The following HIVEP1 variants were observed in gnomAD, a reference collection of about 807,000 sequenced individuals.
HIVEP1 encodes HIVEP zinc finger 1.
HIVEP1 carries 36 observed loss-of-function variants against 180.0 expected under a neutral mutation model. The observed-to-expected ratio is 0.20, with a 90% CI of 0.15 to 0.26. The LOEUF is 0.26. Ranked by LOEUF, HIVEP1 falls within the 10% of genes least tolerant of loss-of-function variation. The pLI is 1.00. For synonymous variants in HIVEP1, 1,239 were observed against 1,239.0 expected (o/e 1.00, Z 0.00); for missense variants, 3,143 against 3,268.7 (o/e 0.96, Z 0.94).
intron 3 of HIVEP1, among the ~76,000 whole-genome samples, chr6:12,108,376 T>C (rs1774609346): frequency 6.6e-6 from 1 of 152,354 alleles, no homozygotes; most frequent in Non-Finnish European, 1.5e-5. Flanking sequence ...GCCAGTCCCG[T>C]GCACTGCGCC....
At chr6:12,142,470 G>T (rs1467515603) in intron 7 of HIVEP1, among the ~76,000 whole-genome samples, 4 of 151,952 alleles carry the variant, frequency 2.6e-5, no homozygotes, top group Non-Finnish European at 5.9e-5. Context: ...CAAAATTAAA[G>T]GAACTAGAGA....
At chr6:12,114,118 C>T (rs566989026) in intron 3 of HIVEP1, among the ~76,000 whole-genome samples, 245 of 152,292 alleles carry the variant, frequency 1.6e-3, no homozygotes, top group African/African-American at 5.4e-3. Context: ...TTGTCTTTCT[C>T]TTTTACTTTA....
At chr6:12,103,402 T>C (rs1399348863) in intron 3 of HIVEP1, among the ~76,000 whole-genome samples, 1 of 152,148 alleles carries the variant, frequency 6.6e-6, no homozygotes, top group East Asian at 1.9e-4. Context: ...AGCCAGAACC[T>C]AGACCCTGGC....
intron 3 of HIVEP1, among the ~76,000 whole-genome samples, chr6:12,108,137 C>T (rs1774579466): frequency 6.6e-6 from 1 of 152,098 alleles, no homozygotes; most frequent in South Asian, 2.1e-4. Flanking sequence ...TCCAAGGCCC[C>T]ACCAGAGTAG....
Position 12,164,487 on chromosome 6 carries a change from T to A in HIVEP1, c.*26T>A. On this transcript the variant is annotated 3_prime_UTR_variant, in exon 9 of 9. Transcript: ENST00000379388. Reference sequence around the variant, plus strand: ...TGGATTTTATTTTTTATTTGCTTTTTTTTTATATAACACTTAAAGGTTTCT... The same window carrying A: ...TGGATTTTATTTTTTATTTGCTTTTATTTTATATAACACTTAAAGGTTTCT... 6.5e-7 allele frequency: 1 copy of A among 1,536,474 alleles called. No individual in the cohort carries two copies. The highest frequency in any genetic ancestry group is 8.8e-7 in the Non-Finnish European group (1 of 1,138,696).
At chr6:12,189,749 G>A in the HIVEP1 span, among the ~76,000 whole-genome samples, 4 of 152,012 alleles carry the variant, frequency 2.6e-5, no homozygotes, top group African/African-American at 9.7e-5. Flanking sequence ...GCATATTTCT[G>A]GGAATTTATT....
upstream of HIVEP1, chr6:12,012,043 C>T (rs1767362561): frequency 6.8e-6 from 1 of 147,514 alleles, no homozygotes; most frequent in Admixed American, 6.7e-5. Context: ...CCTACTCTGC[C>T]CCGGGGGAGA....
At chr6:12,167,409 AC>A (rs1207021293), downstream of HIVEP1, among the ~76,000 whole-genome samples, 4 of 151,406 alleles carry the variant, frequency 2.6e-5, no homozygotes, top group African/African-American at 9.7e-5. Flanking sequence ...TTGTTTCAAA[AC>A]CATCTATAAA....
At chr6:12,069,163 C>T (rs1003615259) in intron 2 of HIVEP1, among the ~76,000 whole-genome samples, 3 of 152,246 alleles carry the variant, frequency 2.0e-5, no homozygotes, top group South Asian at 2.1e-4. Context: ...CAACTACACA[C>T]GTAGCCTATA....
intron 2 of HIVEP1, among the ~76,000 whole-genome samples, chr6:12,058,398 C>T (rs892488280): frequency 1.1e-4 from 17 of 152,172 alleles, no homozygotes; most frequent in Non-Finnish European, 1.8e-4. Flanking sequence ...TTTAGTTCCA[C>T]TCCCAAGTTG....
At chr6:12,089,122 T>G in intron 2 of HIVEP1, 62 bp from the exon 3 acceptor site, 1 of 893,398 alleles carries the variant, frequency 1.1e-6, no homozygotes, top group Non-Finnish European at 1.8e-6. Context: ...GTATGTTTGC[T>G]TTACTGTACT....
upstream of HIVEP1, among the ~76,000 whole-genome samples, chr6:12,011,270 TCCCCC>T (rs76242358): frequency 2.4e-4 from 17 of 71,626 alleles, no homozygotes; most frequent in South Asian, 5.3e-4. Context: ...CCCCTTGGGG[TCCCCC>T]CCCCCCCCCG....
rs748350620 is a variant in HIVEP1 at position 12,121,998 on chromosome 6, A to T, written c.2203A>T (p.Met735Leu). The T allele has an allele frequency of 6.2e-7, 1 of 1,614,166 alleles. No individual in the cohort carries two copies. The highest frequency in any genetic ancestry group is 8.5e-7 in the Non-Finnish European group (1 of 1,180,030). The part of the protein sequence containing the change: ...GEKALLLPGQ[M>L]RPPLATKTLE... The stretch of plus-strand genomic sequence containing the variant: ...AAAGGCATTGCTTTTACCAGGTCAG[A>T]TGCGCCCACCTTTGGCCACAAAAAC... Residue 735 changes from methionine (M) to leucine (L), a missense_variant, in exon 4 of 9, where the codon ATG becomes TTG. Coordinates refer to ENST00000379388, the MANE Select transcript of HIVEP1 (RefSeq NM_002114.4). This position sits in a 1 kb window ranked among gnomAD's most constrained non-coding sequence, Gnocchi z 5.3.
chr6:12,037,092 G>A (rs1373530366), intron 2 of HIVEP1, among the ~76,000 whole-genome samples: 3 of 152,194 alleles, frequency 2.0e-5, no homozygotes, highest in Non-Finnish European at 4.4e-5. Context: ...CAAGGACCAA[G>A]TTATCTCAGG....
chr6:12,140,049 AC>A (rs989039806), intron 7 of HIVEP1, among the ~76,000 whole-genome samples: 7 of 152,100 alleles, frequency 4.6e-5, no homozygotes, highest in Non-Finnish European at 8.8e-5. Context: ...TGGGTCCCTG[AC>A]CCCCGTGTAG....
chr6:12,121,714 G>A lies in HIVEP1; in HGVS notation c.1919G>A (p.Gly640Glu), dbSNP rs1381847005. 1 of 1,614,190 alleles carries A rather than the reference G, an allele frequency of 6.2e-7. No individual in the cohort carries two copies. The highest frequency in any genetic ancestry group is 1.3e-5 in the African/African-American group (1 of 75,046). The change falls in exon 4 of 9, where the codon GGA becomes GAA. Residue 640 changes from glycine to glutamate, a missense_variant. By Grantham distance (98) the Gly-to-Glu change is moderately conservative. Transcript: ENST00000379388. The surrounding 1 kb of genome is among the most constrained non-coding windows in gnomAD (Gnocchi z 5.3). Reference protein sequence around the residue: ...PLEGKQDSHVGTVHAQLQRQQ... With the variant: ...PLEGKQDSHVETVHAQLQRQQ... ...GAAGGAAAGCAAGACTCTCACGTAG[G>A]AACGGTACACGCCCAGCTACAAAGG...
At position 12,120,485 on chromosome 6, in the gene HIVEP1, A is replaced by G. The variant is rs1206788287; in HGVS notation, c.690A>G (p.Ala230=). ...KTEKLRPNKT[A]RSPPKLKNSS... ...AAAAACTGAGGCCAAATAAAACTGC[A>G]CGTTCCCCTCCCAAATTAAAAAACA... Residue 230 remains alanine, a synonymous_variant, in exon 4 of 9, where the codon GCA becomes GCG. Coordinates refer to ENST00000379388, the MANE Select transcript of HIVEP1 (RefSeq NM_002114.4). 6.2e-7 allele frequency: 1 copy of G among 1,614,084 alleles called. No homozygotes were observed. The highest frequency in any genetic ancestry group is 8.5e-7 in the Non-Finnish European group (1 of 1,180,040).
At position 12,124,060 on chromosome 6, in the gene HIVEP1, T is replaced by C. The variant is rs200142045; in HGVS notation, c.4265T>C (p.Leu1422Ser). The change falls in exon 4 of 9, where the codon TTA becomes TCA. Residue 1422 changes from leucine to serine, a missense_variant. By Grantham distance (145) the Leu-to-Ser change is moderately radical. Transcript: ENST00000379388. ...RVGVTGHVPL[L>S]ERRRGPLVRQ... ...GGAGTGACTGGGCATGTGCCTCTCTTAGAAAGAAGGAGAGGCCCACTGGTA... is the reference window on the plus strand; with the variant it reads ...GGAGTGACTGGGCATGTGCCTCTCTCAGAAAGAAGGAGAGGCCCACTGGTA... 582 of 1,614,092 alleles carry C rather than the reference T, an allele frequency of 3.6e-4. 1 individual carries two copies. Among genetic ancestry groups the C allele is most frequent in the Non-Finnish European group, 4.4e-4 (522 of 1,180,016 alleles).
intron 2 of HIVEP1, among the ~76,000 whole-genome samples, chr6:12,028,008 T>C (rs953387160): frequency 1.3e-5 from 2 of 152,248 alleles, no homozygotes; most frequent in Non-Finnish European, 2.9e-5. Flanking sequence ...GTTGAGCTCA[T>C]GATAACTGTT....
Sources: gnomAD v4.1 joint callset for allele counts (sites outside exome capture counted in the v4.1 genomes callset) on GRCh38, gnomAD v4.1.1 for gene constraint, Gnocchi (gnomAD v3.1) non-coding constraint, MANE v1.5 for transcripts, NCBI Gene and HGNC (gene_info 2026-07-23, HGNC 2026-07-21) for gene names.